The following MIER3 variants were observed in gnomAD, a reference collection of about 807,000 sequenced individuals.
The protein encoded by MIER3 is MIER family member 3.
In MIER3, 9 loss-of-function variants were observed where a neutral mutation model predicts 63.2. The observed-to-expected ratio is 0.14, with a 90% CI of 0.09 to 0.25. The LOEUF (loss-of-function observed/expected upper bound fraction) is 0.25, where lower values mean the gene tolerates loss of function less well. Ranked by LOEUF, MIER3 falls within the 10% of genes least tolerant of loss-of-function variation. MIER3 has a pLI of 1.00. For synonymous variants in MIER3, 205 were observed against 224.9 expected, an observed-to-expected ratio of 0.91 and a Z score of 0.79; for missense variants, 512 against 666.2, an observed-to-expected ratio of 0.77 and a Z score of 2.55.
chr5:56,925,372 C>CA, intron 10 of MIER3: 1 of 451,658 alleles, frequency 2.2e-6, no homozygotes, highest in Non-Finnish European at 4.4e-6. Context: ...AAAGAATCAA[C>CA]AAAAAATCGC....
rs868352118 is a variant in MIER3, at chr5:56,922,165, T to G, written c.*963A>C. The G allele has an allele frequency of 7.2e-5, 11 of 152,620 alleles. No homozygotes were observed. Among genetic ancestry groups the G allele is most frequent in the African/African-American group, 2.4e-4 (10 of 41,450 alleles). 9.5% of individuals were successfully genotyped at this position (152,620 alleles called of 1,614,324 possible). On this transcript the variant is annotated 3_prime_UTR_variant, in exon 13 of 13. Transcript: ENST00000381199. The stretch of plus-strand genomic sequence containing the variant: ...TTGAACTGCAGTGCTACAAACAACT[T>G]AAAAGATGTCCCAAAATGTAAACCA...
At position 56,923,367 on chromosome 5, in the gene MIER3, T is replaced by C. The variant is rs1243236786; in HGVS notation, c.1414A>G (p.Ser472Gly). ...TTTGCTGGTCTCTCTGACTCTTCAC[T>C]GCACATGTTCATAGGGTTTAGCTCC... ...HSELNPMNMC[S>G]EESERPAKRL... The change falls in exon 13 of 13, where the codon AGT (serine) becomes GGT (glycine). Residue 472 changes from serine to glycine, a missense_variant. This residue lies in a region of MIER3 where 218 missense variants were observed against 251.2 expected (regional missense o/e 0.87). Coordinates refer to ENST00000381199, the MANE Select transcript of MIER3 (RefSeq NM_001297599.2). The C allele has an allele frequency of 6.2e-7, 1 of 1,614,200 alleles. No homozygotes were observed. Among genetic ancestry groups the C allele is most frequent in the African/African-American group, 1.3e-5 (1 of 75,058 alleles).
At chr5:56,941,115 T>G in intron 3 of MIER3, 2 of 985,458 alleles carry the variant, frequency 2.0e-6, no homozygotes, top group Non-Finnish European at 2.4e-6. Context: ...GAATCCCTGC[T>G]CACAAGGAAT....
Position 56,933,304 on chromosome 5 carries a change from G to T in MIER3, c.690C>A (p.Gly230=). The T allele has an allele frequency of 5.0e-6, 8 of 1,612,760 alleles. No individual in the cohort carries two copies. The highest frequency in any genetic ancestry group is 6.8e-6 in the Non-Finnish European group (8 of 1,179,406). Residue 230 remains glycine (G), a synonymous_variant, in exon 8 of 13, where the codon GGC becomes GGA. Transcript: ENST00000381199. ...AAATCCTATCCATTATTTTTTCACT[G>T]CCAGTCCTTAATGAAGTCTCAACAA... ...EYLVETSLRT[G]SEKIMDRISA... is the part of the protein sequence containing the mutation.
chr5:56,924,823 G>A (rs547059703), intron 10 of MIER3, among the ~76,000 whole-genome samples: 26 of 152,244 alleles, frequency 1.7e-4, no homozygotes, highest in African/African-American at 5.5e-4. Flanking sequence ...ATCAGTACCC[G>A]ATAAAGAAGT....
At position 56,935,454 on chromosome 5, in the gene MIER3, A is replaced by G. The variant is rs767446083; in HGVS notation, c.569T>C (p.Leu190Pro). 1.3e-6 allele frequency: 2 copies of G among 1,596,546 alleles called. No individual in the cohort carries two copies. The highest frequency in any genetic ancestry group is 1.2e-5 in the South Asian group (1 of 85,938). ...TTTCTCATTACCATCGTACTCTCCAAGATAAGGGGGAATCTCTGCCTGATA... is the reference window on the plus strand; with the variant it reads ...TTTCTCATTACCATCGTACTCTCCAGGATAAGGGGGAATCTCTGCCTGATA... The part of the protein sequence containing the change: ...LQYQAEIPPY[L>P]GEYDGNEKVY... The change falls in exon 7 of 13, where the codon CTT becomes CCT. Residue 190 changes from leucine (L) to proline (P), a missense_variant. Coordinates refer to ENST00000381199, the MANE Select transcript of MIER3 (RefSeq NM_001297599.2).
intron 3 of MIER3, among the ~76,000 whole-genome samples, chr5:56,946,188 G>A (rs1750819117): frequency 6.6e-6 from 1 of 152,090 alleles, no homozygotes; most frequent in South Asian, 2.1e-4. Context: ...AAGAAAAAGA[G>A]GTATAAGAAA....
At chr5:56,939,551 T>A (rs573276063) in intron 3 of MIER3, among the ~76,000 whole-genome samples, 1 of 152,240 alleles carries the variant, frequency 6.6e-6, no homozygotes, top group East Asian at 1.9e-4. Flanking sequence ...ACCAGTTTTT[T>A]TAAAACAACT....
chr5:56,928,911 T>C (rs1402172660), intron 9 of MIER3, 50 bp from the exon 10 acceptor site: 2 of 1,293,870 alleles, frequency 1.5e-6, no homozygotes, highest in Non-Finnish European at 1.1e-6. Context: ...TTTTCTTATG[T>C]GAATCACTGA....
intron 3 of MIER3, among the ~76,000 whole-genome samples, chr5:56,944,397 C>T (rs932011548): frequency 6.6e-5 from 10 of 151,832 alleles, no homozygotes; most frequent in Non-Finnish European, 4.4e-5. Context: ...AGGAGAATGG[C>T]GTGAATCCGG....
At chr5:56,935,342 G>T in intron 7 of MIER3, 86 bp downstream of exon 7, 1 of 1,003,542 alleles carries the variant, frequency 1.0e-6, no homozygotes, top group South Asian at 1.9e-5. Flanking sequence ...TATTGCCAAG[G>T]CTGGTATAAA....
In MIER3 at chr5:56,947,019, C is replaced by T; in HGVS notation, c.87G>A (p.Leu29=). ...DHDFDPTAEM[L]VHDYDDERTL... ...TTCTTTCATCATCATAGTCATGGAC[C>T]AACATCTCAGCAGTGGGGTCAAAAT... is the stretch of plus-strand genomic sequence containing the variant. Residue 29 remains leucine, a synonymous_variant, in exon 3 of 13, where the codon TTG becomes TTA. Transcript: ENST00000381199. 1 of 1,610,356 alleles carries T rather than the reference C, an allele frequency of 6.2e-7. No homozygotes were observed. Among genetic ancestry groups the T allele is most frequent in the East Asian group, 2.2e-5 (1 of 44,556 alleles).
At chr5:56,945,050 T>C (rs1029195282) in intron 3 of MIER3, among the ~76,000 whole-genome samples, 3 of 152,210 alleles carry the variant, frequency 2.0e-5, no homozygotes, top group Admixed American at 6.5e-5. Context: ...TAAAGTTAAA[T>C]GGTAGAAAAA....
At chr5:56,952,186 C>T (rs1365668911), upstream of MIER3, 46 of 1,097,652 alleles carry the variant, frequency 4.2e-5, no homozygotes, top group Non-Finnish European at 5.1e-5. Flanking sequence ...CCGCCGCCAC[C>T]GCCGCGGTCC....
chr5:56,951,862 G>C (rs1026257017), intron 1 of MIER3, among the ~76,000 whole-genome samples: 7 of 150,830 alleles, frequency 4.6e-5, no homozygotes, highest in Admixed American at 6.6e-5. Context: ...CGGCCCGACC[G>C]GGGCCGGAGC....
rs184679823 is a variant in MIER3, at chr5:56,933,684, C to T, written c.596-286G>A. ...ATGCCTAGTAAAGTCTAATATAAAA[C>T]CCCATAGTGGTTATCTTATACTCTT... On this transcript the variant is annotated intron_variant, in intron 7 of 12. Transcript: ENST00000381199. Among the ~76,000 whole-genome samples the T allele has an allele frequency of 2.3e-3, 350 of 152,184 alleles. 1 individual carries two copies. The highest frequency in any genetic ancestry group is 8.3e-3 in the African/African-American group (344 of 41,520).
intron 10 of MIER3, chr5:56,925,369 C>G (rs114930085): frequency 0.015 from 6,743 of 452,008 alleles, 57 homozygotes; most frequent in Non-Finnish European, 0.023. Context: ...TCCAAAGAAT[C>G]AACAAAAAAT....
chr5:56,942,581 G>A (rs1046902782), intron 3 of MIER3, among the ~76,000 whole-genome samples: 1 of 152,172 alleles, frequency 6.6e-6, no homozygotes, highest in South Asian at 2.1e-4. Flanking sequence ...AAAGCAGTGG[G>A]TTTGAGTGAG....
chr5:56,923,607 T>C, intron 12 of MIER3, 22 bp from the exon 13 acceptor site: 2 of 1,611,356 alleles, frequency 1.2e-6, no homozygotes, highest in Non-Finnish European at 1.7e-6. Context: ...TGGAAAATTG[T>C]TTAAGTAAGT....
Sources: allele counts gnomAD v4.1 joint callset (sites outside exome capture counted in the v4.1 genomes callset), GRCh38; gene constraint gnomAD v4.1.1; regional missense constraint gnomAD v4.1.1; transcripts MANE v1.5; gene names NCBI Gene and HGNC (gene_info 2026-07-23, HGNC 2026-07-21).